Variants in CTNNAL1 observed in about 807,000 individuals in gnomAD.
CTNNAL1 encodes the protein alpha-catulin.
A neutral mutation model predicts 93.6 loss-of-function variants in CTNNAL1; 69 were observed. The observed-to-expected ratio is 0.74, with a 90% CI of 0.61 to 0.90. The LOEUF (loss-of-function observed/expected upper bound fraction) is 0.90, where lower values mean the gene tolerates loss of function less well. Among genes scored for constraint, CTNNAL1 ranks in the 40% least tolerant of loss-of-function variants. The pLI is 0.00. For synonymous variants in CTNNAL1, 286 were observed against 305.4 expected (o/e 0.94, Z 0.66); for missense variants, 836 against 862.0 (o/e 0.97, Z 0.38).
intron 4 of CTNNAL1, among the ~76,000 whole-genome samples, chr9:108,990,265 T>A (rs187865629): frequency 1.3e-5 from 2 of 150,472 alleles, no homozygotes; most frequent in Non-Finnish European, 3.0e-5. Context: ...AGATCATGTA[T>A]ATTAAGTACC....
intron 1 of CTNNAL1, among the ~76,000 whole-genome samples, chr9:109,008,876 C>CTTTTTTTTTTTTT (rs1162375548): frequency 3.6e-5 from 2 of 54,872 alleles, no homozygotes; most frequent in Non-Finnish European, 6.9e-5. Context: ...AACAGAGGTT[C>CTTTTTTTTTTTTT]TTTTTTTTTT....
At chr9:109,005,940 C>A (rs1250530196) in intron 1 of CTNNAL1, among the ~76,000 whole-genome samples, 1 of 151,974 alleles carries the variant, frequency 6.6e-6, no homozygotes, top group Non-Finnish European at 1.5e-5. Flanking sequence ...ATATAGTATG[C>A]CTTTAAAATT....
At chr9:108,972,863 G>GGGGGGGGGGGGGGA in intron 8 of CTNNAL1, 30 bp from the exon 9 acceptor site, 1 of 231,688 alleles carries the variant, frequency 4.3e-6, no homozygotes, top group Non-Finnish European at 7.1e-6. Context: ...TGGGGGGGTG[G>GGGGGGGGGGGGGGA]GAGGGTGGAG....
intron 6 of CTNNAL1, among the ~76,000 whole-genome samples, chr9:108,981,909 G>A (rs574247077): frequency 1.8e-4 from 27 of 152,302 alleles, no homozygotes; most frequent in African/African-American, 6.5e-4. Context: ...CGAGAAACAA[G>A]AGTGAGACTC....
chr9:108,972,864 G>GGGGGGGGGGGGGCCCCCCCCCC, intron 8 of CTNNAL1, 31 bp from the exon 9 acceptor site: 13 of 142,466 alleles, frequency 9.1e-5, no homozygotes, highest in Admixed American at 4.0e-4. Context: ...GGGGGGGTGG[G>GGGGGGGGGGGGGCCCCCCCCCC]AGGGTGGAGA....
At chr9:108,980,012 A>C (rs978846828) in intron 6 of CTNNAL1, among the ~76,000 whole-genome samples, 1 of 152,198 alleles carries the variant, frequency 6.6e-6, no homozygotes, top group Non-Finnish European at 1.5e-5. Flanking sequence ...AGTCCCCAAC[A>C]GCACCTTACT....
At chr9:108,960,858 G>A (rs775172203) in intron 11 of CTNNAL1, among the ~76,000 whole-genome samples, 36 of 152,360 alleles carry the variant, frequency 2.4e-4, no homozygotes, top group South Asian at 1.2e-3. Context: ...GTTTGGGTGA[G>A]AAGGCAGAAT....
At chr9:108,979,742 G>A (rs537087331) in intron 6 of CTNNAL1, among the ~76,000 whole-genome samples, 1 of 152,302 alleles carries the variant, frequency 6.6e-6, no homozygotes, top group Non-Finnish European at 1.5e-5. Context: ...TGAATACTAA[G>A]GCAGAAAGAG....
chr9:108,991,988 T>C (rs1831823771), intron 3 of CTNNAL1: 1 of 730,610 alleles, frequency 1.4e-6, no homozygotes, highest in Non-Finnish European at 2.6e-6. Flanking sequence ...TTAGGGACTC[T>C]GAGTACAGAA....
At chr9:108,993,158 GA>G (rs1365014980) in intron 2 of CTNNAL1, among the ~76,000 whole-genome samples, 3 of 152,142 alleles carry the variant, frequency 2.0e-5, no homozygotes, top group African/African-American at 7.2e-5. Flanking sequence ...AAAAACCAAA[GA>G]ATACCCTAAA....
chr9:108,984,319 T>A (rs1831533427), intron 5 of CTNNAL1, 28 bp downstream of exon 5: 2 of 1,187,258 alleles, frequency 1.7e-6, no homozygotes, highest in African/African-American at 1.5e-5. Flanking sequence ...TATTAATTTA[T>A]TACACAGTAA....
chr9:108,974,968 G>C (rs1004653246), intron 8 of CTNNAL1, among the ~76,000 whole-genome samples: 1 of 152,038 alleles, frequency 6.6e-6, no homozygotes, highest in Non-Finnish European at 1.5e-5. Context: ...TTTGAGACCA[G>C]CCTGGCCAAC....
intron 17 of CTNNAL1, among the ~76,000 whole-genome samples, chr9:108,943,332 G>A (rs994299377): frequency 2.6e-5 from 4 of 152,084 alleles, no homozygotes; most frequent in African/African-American, 9.7e-5. Context: ...TCCAAATAGT[G>A]GAATTAAATC....
intron 2 of CTNNAL1, among the ~76,000 whole-genome samples, chr9:108,994,884 G>A (rs183879127): frequency 8.1e-4 from 123 of 152,282 alleles, no homozygotes; most frequent in African/African-American, 2.6e-3. Context: ...AGATAACTAC[G>A]TGGAGAGGAA....
At chr9:108,981,638 T>G (rs1219888130) in intron 6 of CTNNAL1, among the ~76,000 whole-genome samples, 2 of 152,122 alleles carry the variant, frequency 1.3e-5, no homozygotes, top group African/African-American at 4.8e-5. Context: ...GAAATCAAAG[T>G]CCAGGGCCAG....
intron 4 of CTNNAL1, 65 bp from the exon 5 acceptor site, chr9:108,984,501 G>C: frequency 1.5e-6 from 1 of 669,156 alleles, no homozygotes; most frequent in Non-Finnish European, 2.5e-6. Flanking sequence ...TCTTAAAAAA[G>C]TATTTATTCA....
intron 2 of CTNNAL1, among the ~76,000 whole-genome samples, chr9:108,998,732 A>C (rs28361111): frequency 0.22 from 33,332 of 152,172 alleles, 4,476 homozygotes; most frequent in Admixed American, 0.3. Flanking sequence ...ATGGATACTA[A>C]TGCTTATTTC....
intron 3 of CTNNAL1, chr9:108,992,151 A>AC: frequency 1.5e-6 from 1 of 673,648 alleles, no homozygotes; most frequent in Non-Finnish European, 2.7e-6. Context: ...CATAGTGCTC[A>AC]CCTTTTCTTT....
In CTNNAL1 at chr9:108,979,272, AG is replaced by A. The variant is rs747995120; in HGVS notation, c.1101+8del. ...TAAGATTTACTTTGATTTTAAAAAAAGTTCTTACAGCTTGAATCCACACAGA... is the reference window on the plus strand; with the variant it reads ...TAAGATTTACTTTGATTTTAAAAAAATTCTTACAGCTTGAATCCACACAGA... On this transcript the variant is annotated splice_region_variant and intron_variant, in intron 7 of 18. Coordinates refer to ENST00000325551, the MANE Select transcript of CTNNAL1 (RefSeq NM_003798.4). 2.0e-5 allele frequency: 33 copies of A among 1,613,640 alleles called. No individual in the cohort carries two copies. The South Asian group carries it at 3.0e-4, about 15-fold the overall frequency.
Sources: allele counts gnomAD v4.1 joint callset (sites outside exome capture counted in the v4.1 genomes callset), GRCh38; gene constraint gnomAD v4.1.1; transcripts MANE v1.5; gene names NCBI Gene and HGNC (gene_info 2026-07-23, HGNC 2026-07-21).